Variants in ADAM23 observed in about 807,000 individuals in gnomAD.
ADAM23 encodes the protein disintegrin and metalloproteinase domain-containing protein 23.
Under a neutral mutation model 120.1 loss-of-function variants are expected in ADAM23, and 33 were observed. The observed-to-expected ratio is 0.27, with a 90% CI of 0.21 to 0.37. The LOEUF (loss-of-function observed/expected upper bound fraction) is 0.37, where lower values mean the gene tolerates loss of function less well. Ranked by LOEUF, ADAM23 falls within the 10% of genes least tolerant of loss-of-function variation. ADAM23 has a pLI of 1.00. For missense variants in ADAM23, 862 were observed against 1,058.2 expected (o/e 0.81, Z 2.57); for synonymous variants, 367 against 375.2 (o/e 0.98, Z 0.25).
At chr2:206,514,061 C>T (rs1407112295) in intron 3 of ADAM23, among the ~76,000 whole-genome samples, 1 of 152,256 alleles carries the variant, frequency 6.6e-6, no homozygotes, top group East Asian at 1.9e-4. Context: ...TGGAGATGTA[C>T]GAGGTTAATG....
intron 2 of ADAM23, among the ~76,000 whole-genome samples, chr2:206,475,285 A>G (rs930628364): frequency 6.6e-6 from 1 of 152,216 alleles, no homozygotes; most frequent in South Asian, 2.1e-4. Flanking sequence ...GAGGGATTAG[A>G]ACAAAATTAC....
At chr2:206,543,628 A>G (rs1488362697) in intron 6 of ADAM23, among the ~76,000 whole-genome samples, 1 of 152,200 alleles carries the variant, frequency 6.6e-6, no homozygotes, top group Non-Finnish European at 1.5e-5. Context: ...TAGCTTTCAT[A>G]GAAGTCATTA....
At position 206,571,733 on chromosome 2, in the gene ADAM23, T is replaced by C. The variant is rs1484120497; in HGVS notation, c.1573T>C (p.Tyr525His). 1.9e-6 allele frequency: 3 copies of C among 1,613,940 alleles called. No individual in the cohort carries two copies. The highest frequency in any genetic ancestry group is 3.3e-5 in the Admixed American group (2 of 60,030). Residue 525 changes from tyrosine to histidine, a missense_variant, in exon 17 of 26, where the codon TAT becomes CAT. Physicochemically the swap from Tyr to His is moderately conservative, Grantham distance 83. This residue lies in a region of ADAM23 where 617 missense variants were observed against 813.5 expected (regional missense o/e 0.76). Coordinates refer to ENST00000264377, the MANE Select transcript of ADAM23 (RefSeq NM_003812.4). ...CGTGAAGTGTTTTCTCTAGGAATGC[T>C]ATGGATTATGCTGTAAGAAATGTTC... Reference protein sequence around the residue: ...ECDCGFHVECYGLCCKKCSLS... With the variant: ...ECDCGFHVECHGLCCKKCSLS...
At chr2:206,530,643 TC>T (rs1697036733) in intron 3 of ADAM23, among the ~76,000 whole-genome samples, 1 of 146,844 alleles carries the variant, frequency 6.8e-6, no homozygotes. Context: ...AAAAAAGAGT[TC>T]ACCGTTGGAT....
intron 14 of ADAM23, among the ~76,000 whole-genome samples, chr2:206,565,828 C>T (rs1052707375): frequency 2.0e-5 from 3 of 152,158 alleles, no homozygotes; most frequent in Admixed American, 2.0e-4. Flanking sequence ...GTCCTACCTC[C>T]GTCCCTCTGG....
At chr2:206,609,213 C>G (rs1218442968) in intron 24 of ADAM23, among the ~76,000 whole-genome samples, 1 of 152,146 alleles carries the variant, frequency 6.6e-6, no homozygotes, top group Non-Finnish European at 1.5e-5. Context: ...ACAATGGGAA[C>G]TTTAAAGCTA....
In ADAM23 at chr2:206,443,899, G is replaced by GC; in HGVS notation, c.37dup (p.Leu13ProfsTer65). 1 of 1,181,360 alleles carries GC rather than the reference G, an allele frequency of 8.5e-7. No individual in the cohort carries two copies. Among genetic ancestry groups the GC allele is most frequent in the Non-Finnish European group, 1.0e-6 (1 of 958,164 alleles). The allele number at this position is 1,181,360 out of a possible 1,614,324, so 73.2% of individuals were successfully genotyped here. A position where few individuals can be genotyped will look rare whatever the true frequency, so the allele number is the denominator to read the frequency against. On this transcript the variant is annotated frameshift_variant, in exon 1 of 26. Coordinates refer to ENST00000264377, the MANE Select transcript of ADAM23 (RefSeq NM_003812.4). LOFTEE classifies it high-confidence loss of function. ...CGCCCGGCAGCAGCTCGCGGCAGCC[G>GC]CCCCTGGCGGGCTGCAGCCTTGCCG...
At chr2:206,469,117 G>A (rs1695603220) in intron 2 of ADAM23, among the ~76,000 whole-genome samples, 1 of 152,114 alleles carries the variant, frequency 6.6e-6, no homozygotes, top group Non-Finnish European at 1.5e-5. Context: ...GATTACAATT[G>A]AACATGAGAT....
In ADAM23 at chr2:206,549,614, G is replaced by A. The variant is rs114902655; in HGVS notation, c.868-481G>A. ...TAGAATTTCACTCGAGTGAGTTAATGTTTCTATTTAACTACATTGATATCT... is the reference window on the plus strand; with the variant it reads ...TAGAATTTCACTCGAGTGAGTTAATATTTCTATTTAACTACATTGATATCT... On this transcript the variant is annotated intron_variant, in intron 8 of 25. Coordinates refer to ENST00000264377, the MANE Select transcript of ADAM23 (RefSeq NM_003812.4). 6.9e-3 allele frequency among the ~76,000 whole-genome samples: 1,054 copies of A among 151,942 alleles called. 8 individuals are homozygous for A. The highest frequency in any genetic ancestry group is 8.8e-3 in the Non-Finnish European group (600 of 67,884).
At chr2:206,584,141 C>G (rs1698274546) in intron 18 of ADAM23, among the ~76,000 whole-genome samples, 1 of 152,158 alleles carries the variant, frequency 6.6e-6, no homozygotes, top group Admixed American at 6.5e-5. Context: ...CTGTGTCTAG[C>G]CATCCAGTGA....
intron 2 of ADAM23, among the ~76,000 whole-genome samples, chr2:206,473,290 TTTC>T (rs1434991938): frequency 6.6e-6 from 1 of 152,162 alleles, no homozygotes; most frequent in Non-Finnish European, 1.5e-5. Context: ...GTCTGAATTC[TTTC>T]TTTAAATGCG....
rs1250656702 is a variant in ADAM23 at position 206,561,125 on chromosome 2, A to G, written c.1170-3A>G. ...TTTTCTGATAGCACTGCTTTTTCTTAAGGCGGGTGACATTTCACTATAAGA... is the reference window on the plus strand; with the variant it reads ...TTTTCTGATAGCACTGCTTTTTCTTGAGGCGGGTGACATTTCACTATAAGA... On this transcript the variant is annotated splice_region_variant and splice_polypyrimidine_tract_variant and intron_variant, in intron 11 of 25. Coordinates refer to ENST00000264377, the MANE Select transcript of ADAM23 (RefSeq NM_003812.4). 6.2e-7 allele frequency: 1 copy of G among 1,613,840 alleles called. No individual in the cohort carries two copies.
intron 2 of ADAM23, among the ~76,000 whole-genome samples, chr2:206,460,428 A>G (rs1695392365): frequency 6.6e-6 from 1 of 152,130 alleles, no homozygotes; most frequent in African/African-American, 2.4e-5. Flanking sequence ...TAGCCACTCT[A>G]ATGAGTATGA....
At chr2:206,463,023 G>T (rs1201238890) in intron 2 of ADAM23, among the ~76,000 whole-genome samples, 1 of 152,164 alleles carries the variant, frequency 6.6e-6, no homozygotes, top group Non-Finnish European at 1.5e-5. Context: ...ACTGCACTGG[G>T]TGATGAGCAG....
At chr2:206,475,871 A>G (rs1056905827) in intron 2 of ADAM23, among the ~76,000 whole-genome samples, 1 of 152,168 alleles carries the variant, frequency 6.6e-6, no homozygotes, top group Non-Finnish European at 1.5e-5. Flanking sequence ...GAAAAACTGT[A>G]AAGGTAAGGA....
intron 24 of ADAM23, among the ~76,000 whole-genome samples, chr2:206,602,593 G>C (rs1698660217): frequency 6.6e-6 from 1 of 152,022 alleles, no homozygotes; most frequent in African/African-American, 2.4e-5. Context: ...AAAGATACAG[G>C]ATTTTAACCC....
intron 2 of ADAM23, among the ~76,000 whole-genome samples, chr2:206,461,446 G>T (rs1016504171): frequency 1.3e-5 from 2 of 152,092 alleles, no homozygotes; most frequent in Non-Finnish European, 2.9e-5. Context: ...TAGAATAATT[G>T]ACTGGCTGTG....
At position 206,517,676 on chromosome 2, in the gene ADAM23, G is replaced by A. The variant is rs377153437; in HGVS notation, c.510-13209G>A. On this transcript the variant is annotated intron_variant, in intron 3 of 25. Transcript: ENST00000264377. ...AAGCTTCTGGATTTTTCCTGGAGTG[G>A]CCACTTCATTTTTCTACCCCTGTCA... Among the ~76,000 whole-genome samples, 490 of 152,178 alleles carry A rather than the reference G, an allele frequency of 3.2e-3. 5 individuals are homozygous for A. The highest frequency in any genetic ancestry group is 0.011 in the African/African-American group (466 of 41,526).
chr2:206,447,776 T>A (rs1695112638), intron 2 of ADAM23, among the ~76,000 whole-genome samples: 1 of 152,218 alleles, frequency 6.6e-6, no homozygotes, highest in Admixed American at 6.5e-5. Flanking sequence ...TCTCCTGATT[T>A]CATTGCACTG....
Sources: allele counts gnomAD v4.1 joint callset (sites outside exome capture counted in the v4.1 genomes callset), GRCh38; gene constraint gnomAD v4.1.1; regional missense constraint gnomAD v4.1.1; transcripts MANE v1.5; gene names NCBI Gene and HGNC (gene_info 2026-07-23, HGNC 2026-07-21).